The following F8 variants were observed in gnomAD, a reference collection of about 807,000 sequenced individuals.
F8 encodes antihemophilic factor.
In F8, 12 loss-of-function variants were observed where a neutral mutation model predicts 140.6. The ratio of observed to expected loss-of-function variants is 0.09; its 90% CI spans 0.05 to 0.14. F8 has a LOEUF of 0.14. Among genes scored for constraint, F8 ranks in the 10% least tolerant of loss-of-function variants. F8 has a pLI of 1.00. For missense variants in F8, 1,354 were observed against 1,720.7 expected, an observed-to-expected ratio of 0.79 and a Z score of 3.77; for synonymous variants, 585 against 614.6, an observed-to-expected ratio of 0.95 and a Z score of 0.71.
chrX:154,945,465 A>T (rs782132325), intron 13 of F8, among the ~76,000 whole-genome samples: 2 of 112,473 alleles, frequency 1.8e-5, no homozygotes, highest in African/African-American at 6.4e-5. Context: ...AAATGAATCA[A>T]TGTGATACAT....
intron 6 of F8, among the ~76,000 whole-genome samples, chrX:154,971,901 C>A (rs1557282603): frequency 8.9e-6 from 1 of 112,113 alleles, no homozygotes; most frequent in African/African-American, 3.2e-5. Flanking sequence ...GTATCTATAT[C>A]ACAGTTTCTT....
At position 154,896,131 on chromosome X, in the gene F8, A is replaced by G. The variant is rs1557275595; in HGVS notation, c.6375T>C (p.Ser2125=). ...AAGTCTGCCACTTCTTCCCATCAAGACTATACATGATGATAAACTGAGAGA... is the reference window on the plus strand; with the variant it reads ...AAGTCTGCCACTTCTTCCCATCAAGGCTATACATGATGATAAACTGAGAGA... The part of the protein sequence containing the change: ...LYISQFIIMY[S]LDGKKWQTYR... The change falls in exon 22 of 26, where the codon AGT becomes AGC. Residue 2125 remains serine (S), a synonymous_variant. Coordinates refer to ENST00000360256, the MANE Select transcript of F8 (RefSeq NM_000132.4). The G allele has an allele frequency of 8.3e-6, 10 of 1,208,924 alleles. No individual in the cohort carries two copies. The highest frequency in any genetic ancestry group is 1.0e-5 in the Non-Finnish European group (9 of 893,164).
intron 22 of F8, among the ~76,000 whole-genome samples, chrX:154,888,380 ATTTTTTT>A (rs782710109): frequency 9.0e-5 from 2 of 22,267 alleles, no homozygotes; most frequent in Non-Finnish European, 1.3e-4. Flanking sequence ...TGTAATAGGG[ATTTTTTT>A]TTTTTTTTTT....
Position 154,969,562 on chromosome X carries a change from A to T in F8, c.788-10T>A. 5.1e-6 allele frequency: 6 copies of T among 1,184,891 alleles called. No homozygotes were observed. Among genetic ancestry groups the T allele is most frequent in the Non-Finnish European group, 6.9e-6 (6 of 870,767 alleles). On this transcript the variant is annotated splice_polypyrimidine_tract_variant and intron_variant, in intron 6 of 25. Coordinates refer to ENST00000360256, the MANE Select transcript of F8 (RefSeq NM_000132.4). ...TGGCATCCAATCAGACCTGTAAAGT[A>T]GGAATAAGACACCTATGGCTATGAA...
chrX:154,882,015 C>T (rs1476208607), intron 22 of F8: 2 of 282,488 alleles, frequency 7.1e-6, no homozygotes, highest in Non-Finnish European at 1.2e-5. Flanking sequence ...ACCCAAATCT[C>T]ATGTCGAATT....
At chrX:154,860,846 C>T (rs953278856) in intron 24 of F8, among the ~76,000 whole-genome samples, 11 of 110,698 alleles carry the variant, frequency 9.9e-5, no homozygotes, top group African/African-American at 3.6e-4. Flanking sequence ...TTACAGGTGC[C>T]CACCACCATG....
intron 22 of F8, among the ~76,000 whole-genome samples, chrX:154,869,560 A>G (rs182401186): frequency 1.8e-5 from 2 of 112,074 alleles, no homozygotes; most frequent in Non-Finnish European, 3.8e-5. Flanking sequence ...TTAGAGGGAA[A>G]TTTACAGCAC....
At chrX:154,982,299 T>G (rs1206416383) in intron 6 of F8, among the ~76,000 whole-genome samples, 1 of 106,488 alleles carries the variant, frequency 9.4e-6, no homozygotes, top group Non-Finnish European at 1.9e-5. Flanking sequence ...TACAAAAAAT[T>G]AGCCAGTCGA....
chrX:154,887,654 AC>A, intron 22 of F8: 2 of 676,383 alleles, frequency 3.0e-6, no homozygotes, highest in Non-Finnish European at 4.0e-6. Context: ...TGTTATTCCT[AC>A]TGCCGCCATA....
intron 14 of F8, chrX:154,909,320 C>G (rs2073053270): frequency 7.6e-6 from 1 of 132,437 alleles, no homozygotes; most frequent in South Asian, 2.2e-4. Context: ...GTTGGATGAG[C>G]TGGTGGTATG....
intron 1 of F8, among the ~76,000 whole-genome samples, chrX:155,016,008 G>A (rs1482415350): frequency 8.9e-6 from 1 of 111,826 alleles, no homozygotes; most frequent in African/African-American, 3.3e-5. Flanking sequence ...AGGCCGAGGC[G>A]GGTGGATCAC....
At chrX:154,848,619 T>C (rs2072589734) in intron 25 of F8, among the ~76,000 whole-genome samples, 1 of 112,407 alleles carries the variant, frequency 8.9e-6, no homozygotes, top group Non-Finnish European at 1.9e-5. Flanking sequence ...GTGTGCCGTT[T>C]GCTAAGACCA....
intron 21 of F8, chrX:154,897,552 A>G (rs2072988601): frequency 8.9e-6 from 1 of 112,267 alleles, no homozygotes; most frequent in Admixed American, 9.4e-5. Flanking sequence ...GGGTAACAGG[A>G]CAGAGTGTCA....
chrX:154,932,076 A>AT (rs1557278903), intron 13 of F8, among the ~76,000 whole-genome samples: 1 of 112,392 alleles, frequency 8.9e-6, no homozygotes, highest in African/African-American at 3.2e-5. Context: ...TCTTAAATCC[A>AT]TCAGATTGCC....
At chrX:155,008,586 C>G (rs2073689322) in intron 1 of F8, among the ~76,000 whole-genome samples, 1 of 111,760 alleles carries the variant, frequency 8.9e-6, no homozygotes, top group Admixed American at 9.3e-5. Flanking sequence ...GGATGGCAGT[C>G]TAGGAAAGAA....
intron 25 of F8, among the ~76,000 whole-genome samples, chrX:154,856,505 T>C (rs182252096): frequency 5.8e-4 from 65 of 112,500 alleles, no homozygotes; most frequent in African/African-American, 2.0e-3. Context: ...TAGTAGATTA[T>C]AGTGTTCCTA....
At chrX:154,846,606 G>A (rs1025461787) in intron 25 of F8, among the ~76,000 whole-genome samples, 2 of 111,566 alleles carry the variant, frequency 1.8e-5, no homozygotes, top group Admixed American at 9.5e-5. Context: ...TGCAACCCCT[G>A]CTTTTCTTTT....
At chrX:155,013,515 G>A (rs1187183262) in intron 1 of F8, among the ~76,000 whole-genome samples, 7 of 111,249 alleles carry the variant, frequency 6.3e-5, no homozygotes, top group Admixed American at 3.8e-4. Context: ...ACCCAGTCTC[G>A]GGTATGTCCT....
chrX:154,845,756 T>C (rs1286546117), intron 25 of F8, among the ~76,000 whole-genome samples: 3 of 112,064 alleles, frequency 2.7e-5, no homozygotes, highest in Admixed American at 9.5e-5. Context: ...CCTGGATTCA[T>C]TGATTTTTTA....
Sources: allele counts gnomAD v4.1 joint callset (sites outside exome capture counted in the v4.1 genomes callset), GRCh38; gene constraint gnomAD v4.1.1; transcripts MANE v1.5; gene names NCBI Gene and HGNC (gene_info 2026-07-23, HGNC 2026-07-21).